The following VAV3 variants were observed in gnomAD, a reference collection of about 807,000 sequenced individuals.
The protein encoded by VAV3 is guanine nucleotide exchange factor VAV3.
VAV3 carries 94 observed loss-of-function variants against 131.2 expected under a neutral mutation model. The observed-to-expected ratio is 0.72, with a 90% CI of 0.61 to 0.85. VAV3 has a LOEUF of 0.85. Among genes scored for constraint, VAV3 ranks in the 40% least tolerant of loss-of-function variants. The pLI, the probability that VAV3 is intolerant of heterozygous loss-of-function variation, is 0.00. For synonymous variants in VAV3, 349 were observed against 342.0 expected (o/e 1.02, Z -0.22); for missense variants, 939 against 1,002.7 (o/e 0.94, Z 0.86).
Position 107,749,519 on chromosome 1 carries a change from T to C in VAV3, c.1335A>G (p.Ile445Met), listed in dbSNP as rs1230468234. 6.2e-7 allele frequency: 1 copy of C among 1,612,276 alleles called. No homozygotes were observed. Among genetic ancestry groups the C allele is most frequent in the Admixed American group, 1.7e-5 (1 of 59,700 alleles). Residue 445 changes from isoleucine to methionine, a missense_variant, in exon 14 of 27, where the codon ATA becomes ATG. By Grantham distance (10) the Ile-to-Met change is conservative. Transcript: ENST00000370056. ...TGGCTATCTTGTACTGCTGAAGATC[T>C]ATTATTTCCTTCATTTCATAGTTAT... ...KGDNYEMKEIIDLQQYKIANN... is the reference protein window; with the variant it reads ...KGDNYEMKEIMDLQQYKIANN...
intron 16 of VAV3, 82 bp from the exon 17 acceptor site, chr1:107,704,732 AG>A: frequency 3.4e-6 from 4 of 1,180,998 alleles, no homozygotes; most frequent in Non-Finnish European, 3.7e-6. Context: ...GAAGAAAAAA[AG>A]TATCAACAGT....
chr1:107,843,764 C>T (rs948539649), intron 2 of VAV3, among the ~76,000 whole-genome samples: 4 of 151,970 alleles, frequency 2.6e-5, no homozygotes, highest in African/African-American at 7.3e-5. Context: ...CGGAAAAATG[C>T]ATTTTTGGGG....
intron 2 of VAV3, among the ~76,000 whole-genome samples, chr1:107,851,821 G>A (rs1054385645): frequency 2.6e-5 from 4 of 152,102 alleles, no homozygotes; most frequent in African/African-American, 9.7e-5. Flanking sequence ...ATTTGTGATC[G>A]ATTCAGTATA....
intron 1 of VAV3, among the ~76,000 whole-genome samples, chr1:107,889,882 A>G (rs550248746): frequency 1.4e-4 from 21 of 152,300 alleles, no homozygotes; most frequent in African/African-American, 4.8e-4. Context: ...CATTTAATTC[A>G]TTGAAATCGA....
chr1:107,578,816 A>G (rs191757728), intron 25 of VAV3: 29 of 984,954 alleles, frequency 2.9e-5, no homozygotes, highest in African/African-American at 1.2e-4. Flanking sequence ...ATAAAACACT[A>G]TATTTCTCCA....
At chr1:107,924,900 C>G (rs934672034) in intron 1 of VAV3, among the ~76,000 whole-genome samples, 3 of 152,180 alleles carry the variant, frequency 2.0e-5, no homozygotes, top group African/African-American at 7.2e-5. Flanking sequence ...AAAAGCCACT[C>G]TTAGTTCTAT....
chr1:107,844,425 T>TC (rs1668869041), intron 2 of VAV3, among the ~76,000 whole-genome samples: 1 of 151,810 alleles, frequency 6.6e-6, no homozygotes, highest in African/African-American at 2.4e-5. Flanking sequence ...GCTGCAGAAG[T>TC]TTTTTTTCCG....
At chr1:107,592,250 G>T (rs1425449780) in intron 25 of VAV3, among the ~76,000 whole-genome samples, 1 of 151,904 alleles carries the variant, frequency 6.6e-6, no homozygotes, top group Non-Finnish European at 1.5e-5. Context: ...TTTTAGTTTG[G>T]GATTGTCTGA....
At chr1:107,791,812 T>C (rs4915074) in intron 2 of VAV3, among the ~76,000 whole-genome samples, 34,564 of 152,108 alleles carry the variant, frequency 0.23, 3,984 homozygotes, top group East Asian at 0.32. Flanking sequence ...TGCTTATGAT[T>C]ATCAGGCACT....
At chr1:107,626,869 T>A (rs1260128119) in intron 20 of VAV3, among the ~76,000 whole-genome samples, 1 of 152,274 alleles carries the variant, frequency 6.6e-6, no homozygotes, top group Non-Finnish European at 1.5e-5. Context: ...TACATTTCTG[T>A]AATGTTCTTC....
chr1:107,881,952 T>G (rs982535336), intron 1 of VAV3, among the ~76,000 whole-genome samples: 3 of 152,208 alleles, frequency 2.0e-5, no homozygotes, highest in Non-Finnish European at 2.9e-5. Flanking sequence ...CCCTTAAAAG[T>G]GTATGGTTTC....
chr1:107,764,100 A>T (rs1420554490), intron 9 of VAV3, among the ~76,000 whole-genome samples: 1 of 151,766 alleles, frequency 6.6e-6, no homozygotes, highest in Admixed American at 6.6e-5. Flanking sequence ...AAAACAAAAA[A>T]CAAAACAAAA....
intron 22 of VAV3, 59 bp downstream of exon 22, chr1:107,609,872 A>G: frequency 6.4e-7 from 1 of 1,552,560 alleles, no homozygotes; most frequent in South Asian, 1.1e-5. Flanking sequence ...CATTTAAGGC[A>G]TCCTGGAGCT....
intron 1 of VAV3, among the ~76,000 whole-genome samples, chr1:107,892,973 A>G (rs1671383540): frequency 1.3e-5 from 2 of 152,346 alleles, no homozygotes; most frequent in South Asian, 4.1e-4. Context: ...GCTCATGACT[A>G]ATACAAAAGA....
intron 2 of VAV3, among the ~76,000 whole-genome samples, chr1:107,857,049 A>G (rs891403031): frequency 9.2e-5 from 14 of 152,102 alleles, no homozygotes; most frequent in East Asian, 5.8e-4. Flanking sequence ...CTGAATATCA[A>G]TGTGATTGGA....
chr1:107,630,749 G>A (rs1332437710), intron 20 of VAV3, among the ~76,000 whole-genome samples: 5 of 151,988 alleles, frequency 3.3e-5, no homozygotes, highest in Non-Finnish European at 5.9e-5. Flanking sequence ...ATGAAAATCA[G>A]CAAATTAACA....
chr1:107,650,987 G>C (rs1656125558), intron 19 of VAV3, among the ~76,000 whole-genome samples: 1 of 151,856 alleles, frequency 6.6e-6, no homozygotes, highest in Non-Finnish European at 1.5e-5. Context: ...TCCTTTGTAG[G>C]GACATGAATG....
At chr1:107,788,940 G>T (rs553643360) in intron 2 of VAV3, among the ~76,000 whole-genome samples, 1 of 152,286 alleles carries the variant, frequency 6.6e-6, no homozygotes, top group Non-Finnish European at 1.5e-5. Flanking sequence ...AGACTCTGTA[G>T]GTAAACACCA....
chr1:107,591,876 T>C (rs1235082961), intron 25 of VAV3, among the ~76,000 whole-genome samples: 1 of 152,306 alleles, frequency 6.6e-6, no homozygotes, highest in Non-Finnish European at 1.5e-5. Context: ...TCTTCTCTTA[T>C]ATAACCACAG....
Sources: gnomAD v4.1 joint callset for allele counts (sites outside exome capture counted in the v4.1 genomes callset) on GRCh38, gnomAD v4.1.1 for gene constraint, MANE v1.5 for transcripts, NCBI Gene and HGNC (gene_info 2026-07-23, HGNC 2026-07-21) for gene names.